GOLGA1: variants seen among roughly 807,000 people sequenced by gnomAD.
GOLGA1 encodes golgin A1, also known as golgin subfamily A member 1.
GOLGA1 carries 63 observed loss-of-function variants against 119.7 expected under a neutral mutation model. That is an observed-to-expected ratio of 0.53 (90% CI 0.43 to 0.65). The LOEUF is 0.65. Ranked by LOEUF, GOLGA1 falls within the 30% of genes least tolerant of loss-of-function variation. The probability of loss-of-function intolerance (pLI) is 0.00; values close to 1 mark genes in which losing one functional copy is unlikely to be tolerated. For missense variants in GOLGA1, 798 were observed against 912.8 expected (o/e 0.87, Z 1.62); for synonymous variants, 318 against 333.4 (o/e 0.95, Z 0.50).
intron 6 of GOLGA1, 69 bp from the exon 7 acceptor site, chr9:124,926,810 A>T: frequency 1.3e-6 from 1 of 786,770 alleles, no homozygotes; most frequent in Admixed American, 2.7e-5. Context: ...TTTTCAGAAA[A>T]CAAAACAACC....
chr9:124,880,239 A>G lies in GOLGA1; in HGVS notation c.*291T>C. On this transcript the variant is annotated 3_prime_UTR_variant, in exon 23 of 23. Coordinates refer to ENST00000373555, the MANE Select transcript of GOLGA1 (RefSeq NM_002077.4). Reference sequence around the variant, plus strand: ...GCTGTAAGTGCTACCGTGAAGTTAGAGGATTCAGGTGCAGATGGGGTGCTG... The same window carrying G: ...GCTGTAAGTGCTACCGTGAAGTTAGGGGATTCAGGTGCAGATGGGGTGCTG... 3.8e-6 allele frequency: 1 copy of G among 264,462 alleles called. No homozygotes were observed. 16.4% of individuals were successfully genotyped at this position (264,462 alleles called of 1,614,324 possible). A position where few individuals can be genotyped will look rare whatever the true frequency, so the allele number is the denominator to read the frequency against.
At chr9:124,938,176 A>G (rs554579869) in intron 3 of GOLGA1, among the ~76,000 whole-genome samples, 1 of 152,202 alleles carries the variant, frequency 6.6e-6, no homozygotes, top group South Asian at 2.1e-4. Flanking sequence ...ACAACAATGC[A>G]CTCTTGCTAA....
At position 124,931,553 on chromosome 9, in the gene GOLGA1, A is replaced by G. The variant is rs1830771866; in HGVS notation, c.136-147T>C. On this transcript the variant is annotated intron_variant, in intron 3 of 22. Coordinates refer to ENST00000373555, the MANE Select transcript of GOLGA1 (RefSeq NM_002077.4). ...AGCTGGGCCTAGTTTCTCTACCTGGAAAGTGGAAGCAACGCTTTCTTCCTC... is the reference window on the plus strand; with the variant it reads ...AGCTGGGCCTAGTTTCTCTACCTGGGAAGTGGAAGCAACGCTTTCTTCCTC... 42 of 593,732 alleles carry G rather than the reference A, an allele frequency of 7.1e-5. No homozygotes were observed. In the South Asian group the frequency reaches 7.9e-4, roughly 11 times the overall value. 36.8% of individuals were successfully genotyped at this position (593,732 alleles called of 1,614,324 possible). A position where few individuals can be genotyped will look rare whatever the true frequency, so the allele number is the denominator to read the frequency against.
In GOLGA1 at chr9:124,899,097, G is replaced by T. The variant is rs551383776; in HGVS notation, c.1311+232C>A. On this transcript the variant is annotated intron_variant, in intron 14 of 22. Coordinates refer to ENST00000373555, the MANE Select transcript of GOLGA1 (RefSeq NM_002077.4). Reference sequence around the variant, plus strand: ...TGTAGTCCCAGCTACTTGGGAGGCTGAGGTGGCAGGATCACTTGAGTCTGA... The same window carrying T: ...TGTAGTCCCAGCTACTTGGGAGGCTTAGGTGGCAGGATCACTTGAGTCTGA... Among the ~76,000 whole-genome samples the T allele has an allele frequency of 2.7e-4, 41 of 152,308 alleles. 1 individual carries two copies. The highest frequency in any genetic ancestry group is 1.0e-3 in the Admixed American group (16 of 15,298).
At chr9:124,943,208 A>G (rs545399040), upstream of GOLGA1, 5 of 152,372 alleles carry the variant, frequency 3.3e-5, no homozygotes, top group South Asian at 4.1e-4. Context: ...TGATAGTGAC[A>G]GTATAATTTT....
intron 19 of GOLGA1, among the ~76,000 whole-genome samples, chr9:124,882,970 T>TA (rs1464598986): frequency 3.9e-5 from 6 of 152,248 alleles, no homozygotes; most frequent in Non-Finnish European, 8.8e-5. Flanking sequence ...GGCGAGGACT[T>TA]ACGGTTCTCA....
chr9:124,911,181 G>C (rs1031664049), intron 11 of GOLGA1, among the ~76,000 whole-genome samples: 1 of 152,212 alleles, frequency 6.6e-6, no homozygotes, highest in Non-Finnish European at 1.5e-5. Context: ...GAGAGTGAAG[G>C]AAGAGAGACT....
chr9:124,931,517 A>C (rs1588095775), intron 3 of GOLGA1, 111 bp from the exon 4 acceptor site: 2 of 655,858 alleles, frequency 3.0e-6, no homozygotes, highest in East Asian at 5.3e-5. Flanking sequence ...AATTAATTGT[A>C]ATCACTGAAA....
chr9:124,901,139 T>C (rs1830095837), intron 12 of GOLGA1, among the ~76,000 whole-genome samples: 1 of 151,632 alleles, frequency 6.6e-6, no homozygotes, highest in Admixed American at 6.6e-5. Flanking sequence ...GCCCAGCTAA[T>C]TTTTTGTATT....
chr9:124,924,941 G>A (rs1830644919), intron 7 of GOLGA1, among the ~76,000 whole-genome samples: 1 of 151,972 alleles, frequency 6.6e-6, no homozygotes, highest in African/African-American at 2.4e-5. Flanking sequence ...TTAGCCAGGT[G>A]TGGTGGCGGG....
intron 20 of GOLGA1, 104 bp from the exon 21 acceptor site, chr9:124,882,058 C>A: frequency 1.3e-6 from 1 of 797,594 alleles, no homozygotes; most frequent in Non-Finnish European, 2.0e-6. Context: ...TATCGTAGGG[C>A]AAAAAGGGCC....
Position 124,921,795 on chromosome 9 carries a change from T to G in GOLGA1, c.659A>C (p.Asn220Thr). 1 of 1,611,942 alleles carries G rather than the reference T, an allele frequency of 6.2e-7. No individual in the cohort carries two copies. ...CTGGCTTAAGTCTGATGACATCTGA[T>G]TGGAGTTCATCAACTCCTCCTGGGT... ...SRTQEELMNS[N>T]QMSSDLSQKL... The change falls in exon 9 of 23, where the codon AAT (asparagine) becomes ACT (threonine). Residue 220 changes from asparagine (N) to threonine (T), a missense_variant. Transcript: ENST00000373555.
Position 124,881,221 on chromosome 9 carries a change from TCAG to T in GOLGA1, c.2170_2172del (p.Leu724del). 6.2e-7 allele frequency: 1 copy of T among 1,605,688 alleles called. No homozygotes were observed. Among genetic ancestry groups the T allele is most frequent in the Non-Finnish European group, 8.5e-7 (1 of 1,172,244 alleles). ...ATGTTCTCCTCCTCTTGGGAAAAGT[TCAG>T]CAACACTGACACAGCTTTTATAAGA... On this transcript the variant is annotated inframe_deletion, in exon 22 of 23. Coordinates refer to ENST00000373555, the MANE Select transcript of GOLGA1 (RefSeq NM_002077.4). This position sits in a 1 kb window ranked among gnomAD's most constrained non-coding sequence, Gnocchi z 4.9.
chr9:124,919,206 G>A (rs943415376), intron 10 of GOLGA1, among the ~76,000 whole-genome samples: 3 of 152,066 alleles, frequency 2.0e-5, no homozygotes, highest in East Asian at 1.9e-4. Context: ...GCAGTGAGCC[G>A]TTGACGTCAC....
intron 19 of GOLGA1, among the ~76,000 whole-genome samples, chr9:124,885,484 C>CA (rs34466889): frequency 1.7e-3 from 164 of 97,826 alleles, no homozygotes; most frequent in South Asian, 0.011. Context: ...GACTCTGTCT[C>CA]AAAAAAAAAA....
At position 124,921,100 on chromosome 9, in the gene GOLGA1, T is replaced by C. The variant is rs745606935; in HGVS notation, c.843+29A>G. 8 of 1,269,308 alleles carry C rather than the reference T, an allele frequency of 6.3e-6. No homozygotes were observed. The South Asian group carries it at 7.2e-5, about 11-fold the overall frequency. 78.6% of individuals were successfully genotyped at this position (1,269,308 alleles called of 1,614,324 possible). ...AATTAGTTTTTATGAATCTTAGAAA[T>C]CCAGGTCTTCTCCTCATATTCTACT... is the stretch of plus-strand genomic sequence containing the variant. On this transcript the variant is annotated intron_variant, in intron 10 of 22. Transcript: ENST00000373555.
chr9:124,937,220 G>A (rs185394181), intron 3 of GOLGA1, among the ~76,000 whole-genome samples: 3 of 152,194 alleles, frequency 2.0e-5, no homozygotes, highest in South Asian at 2.1e-4. Context: ...TTGGGAGACC[G>A]ACGCGGGAGG....
chr9:124,890,459 T>G lies in GOLGA1; in HGVS notation c.1427A>C (p.Glu476Ala), dbSNP rs1052454417. 1.2e-6 allele frequency: 2 copies of G among 1,613,354 alleles called. No individual in the cohort carries two copies. The highest frequency in any genetic ancestry group is 1.7e-6 in the Non-Finnish European group (2 of 1,179,354). ...TTGAGCCATGGCCACGCTCACAATT[T>G]CTCTTTGGCTCCATTCTTCCTACAA... is the stretch of plus-strand genomic sequence containing the variant. Reference protein sequence around the residue: ...KKLKEEWSQREIVSVAMAQAL... With the variant: ...KKLKEEWSQRAIVSVAMAQAL... Residue 476 changes from glutamate to alanine, a missense_variant, in exon 16 of 23, where the codon GAA becomes GCA. Physicochemically the swap from Glu to Ala is moderately radical, Grantham distance 107. Transcript: ENST00000373555.
rs754112483 is a variant in GOLGA1, at chr9:124,881,933, G to A, written c.1987C>T (p.Leu663Phe). ...CCAGGTTTCTCCCGGACTTCGAAGA[G>A]CTCATTATCGGGTCTGATTTTCTGA... ...KELKIRPDNE[L>F]FEVREKPGPE... Residue 663 changes from leucine (L) to phenylalanine (F), a missense_variant, in exon 21 of 23, where the codon CTC (leucine) becomes TTC (phenylalanine). By Grantham distance (22) the Leu-to-Phe change is conservative. Coordinates refer to ENST00000373555, the MANE Select transcript of GOLGA1 (RefSeq NM_002077.4). The surrounding 1 kb of genome is among the most constrained non-coding windows in gnomAD (Gnocchi z 4.9). 9 of 1,608,116 alleles carry A rather than the reference G, an allele frequency of 5.6e-6. No individual in the cohort carries two copies. The highest frequency in any genetic ancestry group is 1.3e-5 in the African/African-American group (1 of 74,454).
Sources: allele counts gnomAD v4.1 joint callset (sites outside exome capture counted in the v4.1 genomes callset), GRCh38; gene constraint gnomAD v4.1.1; non-coding constraint Gnocchi (gnomAD v3.1); transcripts MANE v1.5; gene names NCBI Gene and HGNC (gene_info 2026-07-23, HGNC 2026-07-21).